Variants in CLSTN2 observed in about 807,000 individuals in gnomAD.
CLSTN2 encodes the protein calsyntenin 2.
CLSTN2 carries 48 observed loss-of-function variants against 101.2 expected under a neutral mutation model. The ratio of observed to expected loss-of-function variants is 0.47; its 90% CI spans 0.38 to 0.60. The LOEUF is 0.60. CLSTN2 is among the 20% of genes least tolerant of loss of function. The probability of loss-of-function intolerance (pLI) is 0.00; values close to 1 mark genes in which losing one functional copy is unlikely to be tolerated. For missense variants in CLSTN2, 1,160 were observed against 1,238.2 expected, an observed-to-expected ratio of 0.94 and a Z score of 0.95; for synonymous variants, 481 against 463.6, an observed-to-expected ratio of 1.04 and a Z score of -0.48.
intron 2 of CLSTN2, among the ~76,000 whole-genome samples, chr3:140,306,403 GA>G (rs552465965): frequency 1.6e-4 from 24 of 146,198 alleles, no homozygotes; most frequent in South Asian, 1.5e-3. Flanking sequence ...AACATGTTTA[GA>G]AAAAAAAAAA....
intron 5 of CLSTN2, among the ~76,000 whole-genome samples, chr3:140,434,041 G>A (rs72983187): frequency 0.029 from 4,345 of 152,264 alleles, 198 homozygotes; most frequent in African/African-American, 0.097. Context: ...GTGGAGGGCA[G>A]CCCCAGCCAG....
chr3:140,144,917 G>C (rs944231789), intron 1 of CLSTN2, among the ~76,000 whole-genome samples: 7 of 152,198 alleles, frequency 4.6e-5, no homozygotes, highest in Admixed American at 4.6e-4. Context: ...TCCTTGTGAA[G>C]AGTTATTTCA....
At chr3:139,941,966 A>G (rs1047541539) in intron 1 of CLSTN2, among the ~76,000 whole-genome samples, 1 of 152,202 alleles carries the variant, frequency 6.6e-6, no homozygotes, top group African/African-American at 2.4e-5. Context: ...AAACTGAGTC[A>G]CTGAGAAGTG....
At chr3:140,019,860 G>A (rs1256890726) in intron 1 of CLSTN2, among the ~76,000 whole-genome samples, 2 of 152,146 alleles carry the variant, frequency 1.3e-5, no homozygotes, top group African/African-American at 4.8e-5. Flanking sequence ...GAGTCAGAGT[G>A]GGCTCACTTT....
At chr3:140,521,971 G>T (rs1216681616) in intron 8 of CLSTN2, among the ~76,000 whole-genome samples, 7 of 152,152 alleles carry the variant, frequency 4.6e-5, no homozygotes, top group Admixed American at 6.5e-5. Context: ...CAGCAAAACT[G>T]GGTCTCTGTG....
At chr3:140,208,171 G>A (rs555268514) in intron 2 of CLSTN2, among the ~76,000 whole-genome samples, 4 of 152,064 alleles carry the variant, frequency 2.6e-5, no homozygotes, top group African/African-American at 4.8e-5. Context: ...CAAAAACAAA[G>A]GTTCTCCAAC....
At chr3:140,172,239 G>T (rs1235441129) in intron 1 of CLSTN2, among the ~76,000 whole-genome samples, 2 of 139,738 alleles carry the variant, frequency 1.4e-5, no homozygotes, top group Non-Finnish European at 3.1e-5. Flanking sequence ...TGAGCGGGGG[G>T]GACTAAAAAA....
At position 140,422,607 on chromosome 3, in the gene CLSTN2, C is replaced by T. The variant is rs539539619; in HGVS notation, c.787+1333C>T. On this transcript the variant is annotated intron_variant, in intron 5 of 16. Coordinates refer to ENST00000458420, the MANE Select transcript of CLSTN2 (RefSeq NM_022131.3). ...AAGATGAAATGCTCAGTAAAGGAAC[C>T]ACAGGTAAGGCACATGAGAGGTAAA... 2.0e-5 allele frequency among the ~76,000 whole-genome samples: 3 copies of T among 152,214 alleles called. No homozygotes were observed. In the East Asian group the frequency reaches 5.8e-4, roughly 29 times the overall value.
At chr3:140,460,301 T>C (rs553835456) in intron 7 of CLSTN2, 21 of 160,930 alleles carry the variant, frequency 1.3e-4, no homozygotes, top group Non-Finnish European at 2.6e-4. Flanking sequence ...AGTTCACGGC[T>C]TGGTGGTTAA....
intron 1 of CLSTN2, among the ~76,000 whole-genome samples, chr3:140,128,482 A>G (rs1162072357): frequency 2.6e-5 from 4 of 152,220 alleles, no homozygotes. Flanking sequence ...TGTGGGCAGG[A>G]TATTATAAAC....
chr3:140,008,567 G>A (rs982954790), intron 1 of CLSTN2, among the ~76,000 whole-genome samples: 1 of 152,244 alleles, frequency 6.6e-6, no homozygotes, highest in African/African-American at 2.4e-5. Context: ...CCGGGGCCCA[G>A]TTCCCGCCAT....
At chr3:140,502,890 G>C (rs138742297) in intron 8 of CLSTN2, among the ~76,000 whole-genome samples, 101 of 152,332 alleles carry the variant, frequency 6.6e-4, no homozygotes, top group Admixed American at 5.2e-4. Flanking sequence ...TTCAACATAA[G>C]TTTATTATCT....
At chr3:140,299,176 G>A (rs1054113478) in intron 2 of CLSTN2, among the ~76,000 whole-genome samples, 1 of 152,184 alleles carries the variant, frequency 6.6e-6, no homozygotes, top group Non-Finnish European at 1.5e-5. Flanking sequence ...AATTATTATA[G>A]TGTGTGGCCC....
At chr3:140,313,424 C>T (rs998061558) in intron 2 of CLSTN2, among the ~76,000 whole-genome samples, 6 of 152,028 alleles carry the variant, frequency 3.9e-5, no homozygotes, top group Non-Finnish European at 8.8e-5. Flanking sequence ...TAGGGAGGGC[C>T]CTCACGAAAG....
intron 1 of CLSTN2, among the ~76,000 whole-genome samples, chr3:140,081,718 G>A (rs769557751): frequency 2.0e-5 from 3 of 151,072 alleles, no homozygotes; most frequent in African/African-American, 4.9e-5. Context: ...TCTGCACACC[G>A]CAAAGCCTCT....
At chr3:140,361,190 C>T (rs991779791) in intron 2 of CLSTN2, among the ~76,000 whole-genome samples, 6 of 152,136 alleles carry the variant, frequency 3.9e-5, no homozygotes, top group Non-Finnish European at 7.4e-5. Flanking sequence ...AAACCAAATA[C>T]TGGGTTAACA....
intron 1 of CLSTN2, among the ~76,000 whole-genome samples, chr3:140,150,236 T>C (rs537055362): frequency 9.2e-5 from 14 of 152,370 alleles, no homozygotes; most frequent in African/African-American, 3.4e-4. Flanking sequence ...CCAATCTACC[T>C]GCTTGGAAGG....
chr3:140,295,899 T>A (rs1274470889), intron 2 of CLSTN2, among the ~76,000 whole-genome samples: 1 of 152,212 alleles, frequency 6.6e-6, no homozygotes, highest in African/African-American at 2.4e-5. Context: ...TGTAATACTT[T>A]AAATTCTGGT....
intron 1 of CLSTN2, among the ~76,000 whole-genome samples, chr3:140,171,685 A>ATT (rs1559797202): frequency 1.2e-4 from 1 of 8,508 alleles, no homozygotes; most frequent in Non-Finnish European, 3.4e-4. Flanking sequence ...TATTATATAT[A>ATT]ATATATATTA....
Sources: allele counts gnomAD v4.1 joint callset (sites outside exome capture counted in the v4.1 genomes callset), GRCh38; gene constraint gnomAD v4.1.1; transcripts MANE v1.5; gene names NCBI Gene and HGNC (gene_info 2026-07-23, HGNC 2026-07-21).